The following DEPDC5 variants were observed in gnomAD, a reference collection of about 807,000 sequenced individuals.
DEPDC5 encodes DEP domain containing 5, GATOR1 subcomplex subunit.
A neutral mutation model predicts 217.3 loss-of-function variants in DEPDC5; 73 were observed. That is an observed-to-expected ratio of 0.34 (90% CI 0.28 to 0.41). The LOEUF (loss-of-function observed/expected upper bound fraction) is 0.41, where lower values mean the gene tolerates loss of function less well. Among genes scored for constraint, DEPDC5 ranks in the 10% least tolerant of loss-of-function variants. The pLI is 1.00. For synonymous variants in DEPDC5, 733 were observed against 756.7 expected (o/e 0.97, Z 0.51); for missense variants, 1,675 against 2,070.1 (o/e 0.81, Z 3.70).
Position 31,906,218 on chromosome 22 carries a change from G to A in DEPDC5, c.4533G>A (p.Leu1511=). Reference sequence around the variant, plus strand: ...CTTTCTCTTCAGGAACAGTGTTTCTGCAGCTGCCCTACTCCAAGCGCAAGT... The same window carrying A: ...CTTTCTCTTCAGGAACAGTGTTTCTACAGCTGCCCTACTCCAAGCGCAAGT... ...QYIHVTGTVF[L]QLPYSKRKFS... is the part of the protein sequence containing the mutation. The change falls in exon 43 of 43, where the codon CTG becomes CTA. Residue 1511 remains leucine, a synonymous_variant. Transcript: ENST00000651528. The surrounding 1 kb of genome is among the most constrained non-coding windows in gnomAD (Gnocchi z 5.1). 1 of 1,613,850 alleles carries A rather than the reference G, an allele frequency of 6.2e-7. No individual in the cohort carries two copies. Among genetic ancestry groups the A allele is most frequent in the Non-Finnish European group, 8.5e-7 (1 of 1,179,864 alleles).
intron 24 of DEPDC5, among the ~76,000 whole-genome samples, chr22:31,825,307 A>G (rs1021756883): frequency 1.3e-5 from 2 of 152,218 alleles, no homozygotes; most frequent in Non-Finnish European, 2.9e-5. Context: ...ATTTTAGGGA[A>G]AAGAAGTTTC....
intron 4 of DEPDC5, among the ~76,000 whole-genome samples, chr22:31,763,046 A>G (rs915805789): frequency 6.6e-6 from 1 of 151,954 alleles, no homozygotes; most frequent in East Asian, 1.9e-4. Context: ...GCTGGAACGC[A>G]ATGACATGGT....
At chr22:31,838,980 T>A in intron 27 of DEPDC5, 135 bp downstream of exon 27, 2 of 946,070 alleles carry the variant, frequency 2.1e-6, no homozygotes, top group South Asian at 2.0e-5. Context: ...TAAATTCTAC[T>A]TAAGTGAGGA....
At chr22:31,816,222 C>T (rs1158143208) in intron 21 of DEPDC5, among the ~76,000 whole-genome samples, 1 of 151,426 alleles carries the variant, frequency 6.6e-6, no homozygotes, top group Non-Finnish European at 1.5e-5. Context: ...ATCACTTGAA[C>T]CTGGCAGGCG....
chr22:31,754,642 G>A (rs2075164671), intron 1 of DEPDC5, among the ~76,000 whole-genome samples: 1 of 152,208 alleles, frequency 6.6e-6, no homozygotes, highest in Non-Finnish European at 1.5e-5. Context: ...CTTCTCCTAG[G>A]TTTGACTAGC....
At chr22:31,809,014 T>C (rs1370170294) in intron 18 of DEPDC5, among the ~76,000 whole-genome samples, 6 of 151,932 alleles carry the variant, frequency 3.9e-5, no homozygotes, top group Non-Finnish European at 7.4e-5. Context: ...GCAATCCTCC[T>C]GCCTTGGGCT....
At chr22:31,848,128 C>T (rs2091846684) in intron 31 of DEPDC5, among the ~76,000 whole-genome samples, 1 of 152,250 alleles carries the variant, frequency 6.6e-6, no homozygotes. Flanking sequence ...GGTAGGCTCC[C>T]AGGCCCTTGG....
chr22:31,904,485 G>A (rs2093721592), intron 41 of DEPDC5, among the ~76,000 whole-genome samples: 1 of 152,238 alleles, frequency 6.6e-6, no homozygotes, highest in Non-Finnish European at 1.5e-5. Flanking sequence ...GCTCACGCCT[G>A]TAATCCCAGC....
chr22:31,757,730 G>A (rs148475422), intron 2 of DEPDC5, among the ~76,000 whole-genome samples: 2 of 152,138 alleles, frequency 1.3e-5, no homozygotes, highest in African/African-American at 4.8e-5. Flanking sequence ...AGAGGGGCAG[G>A]GGTAGATAAA....
intron 33 of DEPDC5, among the ~76,000 whole-genome samples, chr22:31,862,902 T>C (rs2092564581): frequency 1.3e-5 from 2 of 152,230 alleles, no homozygotes; most frequent in South Asian, 4.1e-4. Flanking sequence ...TTGATCCTTT[T>C]CACCTTTTAC....
intron 32 of DEPDC5, among the ~76,000 whole-genome samples, chr22:31,859,342 C>T (rs141759249): frequency 0.04 from 5,982 of 150,676 alleles, 166 homozygotes; most frequent in Non-Finnish European, 0.06. Flanking sequence ...CCGCCTGCCT[C>T]TGTCTCCCAA....
intron 14 of DEPDC5, among the ~76,000 whole-genome samples, chr22:31,799,045 C>CTTT (rs552961998): frequency 7.2e-6 from 1 of 138,640 alleles, no homozygotes. Context: ...AGCAAACTTA[C>CTTT]TTTTTTTTTT....
intron 37 of DEPDC5, among the ~76,000 whole-genome samples, chr22:31,876,923 C>T (rs553258624): frequency 2.0e-5 from 3 of 152,146 alleles, no homozygotes; most frequent in Non-Finnish European, 4.4e-5. Context: ...GAGGCCGAGG[C>T]TGGCAGATCA....
intron 21 of DEPDC5, among the ~76,000 whole-genome samples, chr22:31,817,945 G>A (rs1334197964): frequency 6.6e-6 from 1 of 152,050 alleles, no homozygotes; most frequent in Admixed American, 6.6e-5. Context: ...CTTCTTTCCT[G>A]CAAAGCAACT....
chr22:31,780,375 T>C (rs1253448705), intron 8 of DEPDC5, among the ~76,000 whole-genome samples: 2 of 152,078 alleles, frequency 1.3e-5, no homozygotes, highest in Non-Finnish European at 2.9e-5. Context: ...AAGAAGCAGG[T>C]TGGGGAGATT....
intron 31 of DEPDC5, among the ~76,000 whole-genome samples, chr22:31,856,741 TCTC>T (rs2092318984): frequency 6.6e-6 from 1 of 152,124 alleles, no homozygotes; most frequent in Non-Finnish European, 1.5e-5. Context: ...TAACACATCT[TCTC>T]CTGTTTTATG....
At chr22:31,847,947 G>T (rs1022756629) in intron 31 of DEPDC5, among the ~76,000 whole-genome samples, 6 of 152,214 alleles carry the variant, frequency 3.9e-5, no homozygotes, top group Non-Finnish European at 5.9e-5. Context: ...ATACAATGGG[G>T]TATGGGCATT....
chr22:31,865,520 A>G (rs1161555705), intron 33 of DEPDC5, among the ~76,000 whole-genome samples: 1 of 152,050 alleles, frequency 6.6e-6, no homozygotes, highest in Non-Finnish European at 1.5e-5. Context: ...AAAACAAAAC[A>G]AAACATATAT....
rs575903653 is a variant in DEPDC5 at position 31,802,708 on chromosome 22, T to C, written c.951T>C (p.Phe317=). 2 of 1,555,994 alleles carry C rather than the reference T, an allele frequency of 1.3e-6. No homozygotes were observed. Among genetic ancestry groups the C allele is most frequent in the African/African-American group, 2.8e-5 (2 of 72,708 alleles). Residue 317 remains phenylalanine (F), a synonymous_variant, in exon 15 of 43, where the codon TTT becomes TTC. Transcript: ENST00000651528. ...LEAINLSFNV[F]DKHYINRNFD... ...GAATTTTTGTTTTATTTCTAGTGTT[T>C]GATAAGCACTACATCAACCGCAACT...
Sources: allele counts gnomAD v4.1 joint callset (sites outside exome capture counted in the v4.1 genomes callset), GRCh38; gene constraint gnomAD v4.1.1; non-coding constraint Gnocchi (gnomAD v3.1); transcripts MANE v1.5; gene names NCBI Gene and HGNC (gene_info 2026-07-23, HGNC 2026-07-21).